Variants in KCNIP4 observed in about 807,000 individuals in gnomAD.
KCNIP4 encodes the protein potassium voltage-gated channel interacting protein 4, also known as Kv channel-interacting protein 4.
Under a neutral mutation model 34.0 loss-of-function variants are expected in KCNIP4, and 12 were observed. The observed-to-expected ratio is 0.35, with a 90% CI of 0.23 to 0.57. KCNIP4 has a LOEUF of 0.57. KCNIP4 is among the 20% of genes least tolerant of loss of function. The probability of loss-of-function intolerance (pLI) is 0.83; values close to 1 mark genes in which losing one functional copy is unlikely to be tolerated. For missense variants in KCNIP4, 238 were observed against 311.7 expected, an observed-to-expected ratio of 0.76 and a Z score of 1.78; for synonymous variants, 124 against 102.2, an observed-to-expected ratio of 1.21 and a Z score of -1.29.
intron 1 of KCNIP4, among the ~76,000 whole-genome samples, chr4:21,814,840 CACAGGAAATACCATCCTGATATG>C (rs1721895528): frequency 6.6e-6 from 1 of 152,108 alleles, no homozygotes; most frequent in Non-Finnish European, 1.5e-5. Flanking sequence ...TGTTCAGTTC[CACAGGAAATACCATCCTGATATG>C]ACAGAAACAA....
chr4:20,748,370 A>G (rs1752819288), intron 5 of KCNIP4, among the ~76,000 whole-genome samples: 1 of 151,672 alleles, frequency 6.6e-6, no homozygotes, highest in South Asian at 2.1e-4. Context: ...GGAGCTCCTG[A>G]CTGTCCTTTA....
intron 1 of KCNIP4, among the ~76,000 whole-genome samples, chr4:21,141,770 C>G (rs970242661): frequency 6.6e-6 from 1 of 151,966 alleles, no homozygotes; most frequent in Non-Finnish European, 1.5e-5. Context: ...ACAATAAAAT[C>G]TCTTTTTAGG....
chr4:20,889,072 A>T (rs1577320250), intron 1 of KCNIP4, among the ~76,000 whole-genome samples: 1 of 152,022 alleles, frequency 6.6e-6, no homozygotes, highest in Non-Finnish European at 1.5e-5. Context: ...ATTGCTGTGA[A>T]TTTTTTTGTC....
chr4:21,025,623 G>A (rs1417098807), intron 1 of KCNIP4, among the ~76,000 whole-genome samples: 7 of 121,442 alleles, frequency 5.8e-5, no homozygotes, highest in South Asian at 5.5e-4. Flanking sequence ...GTGCGATTTC[G>A]CCTCACTGCC....
At chr4:21,517,006 A>G (rs1310356547) in intron 1 of KCNIP4, among the ~76,000 whole-genome samples, 1 of 152,164 alleles carries the variant, frequency 6.6e-6, no homozygotes, top group East Asian at 1.9e-4. Flanking sequence ...GTGATGTAGC[A>G]TGCCTGGGAA....
Position 21,948,556 on chromosome 4 carries a change from C to CTTA in KCNIP4, c.61+12_61+14dup. ...GCGGAAGCGGGCGCCCGCTCGCAAGCTTATTGCATCCTACCGCCTGTAGAG... is the reference window on the plus strand; with the variant it reads ...GCGGAAGCGGGCGCCCGCTCGCAAGCTTATTATTGCATCCTACCGCCTGTAGAG... On this transcript the variant is annotated intron_variant, in intron 1 of 8. Coordinates refer to ENST00000382152, the MANE Select transcript of KCNIP4 (RefSeq NM_025221.6). 6.2e-7 allele frequency: 1 copy of CTTA among 1,612,112 alleles called. No homozygotes were observed. The highest frequency in any genetic ancestry group is 1.3e-5 in the African/African-American group (1 of 74,922).
intron 1 of KCNIP4, among the ~76,000 whole-genome samples, chr4:21,685,831 G>A (rs1577841942): frequency 1.3e-5 from 2 of 152,306 alleles, no homozygotes; most frequent in Non-Finnish European, 2.9e-5. Flanking sequence ...AACCTTCTAA[G>A]TTCAGGGATT....
At chr4:21,528,734 A>G (rs576599081) in intron 1 of KCNIP4, among the ~76,000 whole-genome samples, 14 of 3,588 alleles carry the variant, frequency 3.9e-3, no homozygotes, top group East Asian at 0.014. Context: ...AAAGAAAGAA[A>G]GAAAGAAAGA....
At chr4:21,444,908 G>A (rs1245855906) in intron 1 of KCNIP4, among the ~76,000 whole-genome samples, 1 of 152,172 alleles carries the variant, frequency 6.6e-6, no homozygotes, top group Non-Finnish European at 1.5e-5. Flanking sequence ...TCCTTAAGCT[G>A]ATAAGCAACT....
In KCNIP4 at chr4:21,591,088, TA is replaced by T. The variant is rs1263166539; in HGVS notation, c.61+357482del. ...AAAGCTAAAAAAAATTGACAATATTTAACAAAGAAAAAGGAAGGAAATATGG... is the reference window on the plus strand; with the variant it reads ...AAAGCTAAAAAAAATTGACAATATTTACAAAGAAAAAGGAAGGAAATATGG... On this transcript the variant is annotated intron_variant, in intron 1 of 8. Transcript: ENST00000382152. 3.9e-5 allele frequency among the ~76,000 whole-genome samples: 6 copies of T among 151,960 alleles called. No homozygotes were observed. In the East Asian group the frequency reaches 1.2e-3, roughly 29 times the overall value.
intron 1 of KCNIP4, among the ~76,000 whole-genome samples, chr4:21,732,006 C>T (rs949538524): frequency 5.3e-5 from 8 of 150,998 alleles, no homozygotes; most frequent in Admixed American, 4.0e-4. Context: ...TCCAAACACA[C>T]ATAAATTACA....
intron 1 of KCNIP4, among the ~76,000 whole-genome samples, chr4:21,607,317 T>C (rs1437882033): frequency 1.3e-5 from 2 of 152,146 alleles, no homozygotes; most frequent in Non-Finnish European, 1.5e-5. Flanking sequence ...TGAAATGTGC[T>C]TACAACAGCA....
chr4:20,883,208 T>C (rs1724914235), intron 1 of KCNIP4, among the ~76,000 whole-genome samples: 1 of 152,190 alleles, frequency 6.6e-6, no homozygotes, highest in Non-Finnish European at 1.5e-5. Flanking sequence ...TGTTAGTACC[T>C]TTGCCTTCCT....
chr4:21,651,277 G>A (rs1306403597), intron 1 of KCNIP4, among the ~76,000 whole-genome samples: 2 of 152,138 alleles, frequency 1.3e-5, no homozygotes, highest in African/African-American at 4.8e-5. Flanking sequence ...GTATCATAAA[G>A]CCAAGGCCTG....
chr4:21,393,734 A>G (rs558973635), intron 1 of KCNIP4, among the ~76,000 whole-genome samples: 4 of 152,168 alleles, frequency 2.6e-5, no homozygotes, highest in Non-Finnish European at 5.9e-5. Context: ...GTTATCTGTT[A>G]GAATGTTTTG....
intron 3 of KCNIP4, among the ~76,000 whole-genome samples, chr4:20,801,913 A>G (rs1046075293): frequency 6.6e-6 from 1 of 151,942 alleles, no homozygotes; most frequent in African/African-American, 2.4e-5. Flanking sequence ...ATACAATCCA[A>G]TTACATGCCG....
intron 1 of KCNIP4, among the ~76,000 whole-genome samples, chr4:20,913,115 G>T (rs973136739): frequency 3.9e-5 from 6 of 151,980 alleles, no homozygotes; most frequent in Middle Eastern, 3.4e-3. Context: ...GTAGCCAAAA[G>T]GTGGAAACAA....
At chr4:21,943,359 A>G (rs555861840) in intron 1 of KCNIP4, among the ~76,000 whole-genome samples, 1 of 152,280 alleles carries the variant, frequency 6.6e-6, no homozygotes, top group East Asian at 1.9e-4. Context: ...TTCACCAGGC[A>G]ATGTGAGGGC....
chr4:21,804,799 T>TA (rs1721199267), intron 1 of KCNIP4, among the ~76,000 whole-genome samples: 1 of 152,206 alleles, frequency 6.6e-6, no homozygotes, highest in Non-Finnish European at 1.5e-5. Flanking sequence ...CACAGGCACT[T>TA]ACATTCCTAA....
Sources: allele counts gnomAD v4.1 joint callset (sites outside exome capture counted in the v4.1 genomes callset), GRCh38; gene constraint gnomAD v4.1.1; transcripts MANE v1.5; gene names NCBI Gene and HGNC (gene_info 2026-07-23, HGNC 2026-07-21).